Variants in RAB31 observed in about 807,000 individuals in gnomAD.
RAB31 encodes RAB31, member RAS oncogene family, also known as ras-related protein Rab-31.
A neutral mutation model predicts 25.6 loss-of-function variants in RAB31; 21 were observed. The ratio of observed to expected loss-of-function variants is 0.82; its 90% confidence interval spans 0.58 to 1.18. The LOEUF (loss-of-function observed/expected upper bound fraction) is 1.18, where lower values mean the gene tolerates loss of function less well. Ranked by LOEUF, RAB31 falls within the 50% of genes most tolerant of loss-of-function variation. The pLI is 0.00. For synonymous variants in RAB31, 87 were observed against 84.0 expected (o/e 1.04, Z -0.20); for missense variants, 196 against 250.1 (o/e 0.78, Z 1.46).
At chr18:9,819,961 A>G (rs576975788) in intron 5 of RAB31, among the ~76,000 whole-genome samples, 5 of 152,104 alleles carry the variant, frequency 3.3e-5, no homozygotes, top group African/African-American at 1.2e-4. Context: ...TTTTTAGTAA[A>G]TTATCTGGAG....
intron 3 of RAB31, among the ~76,000 whole-genome samples, 191 bp downstream of exon 3, chr18:9,792,426 G>A (rs1348389000): frequency 6.6e-6 from 1 of 152,156 alleles, no homozygotes; most frequent in African/African-American, 2.4e-5. Context: ...GTGAGGCGGG[G>A]CTGAGTTCAG....
At chr18:9,794,366 C>T (rs762083497) in intron 3 of RAB31, among the ~76,000 whole-genome samples, 1 of 152,146 alleles carries the variant, frequency 6.6e-6, no homozygotes, top group Non-Finnish European at 1.5e-5. Context: ...TAGATTAAAA[C>T]ATTTTAAAAA....
In RAB31 at chr18:9,822,196, G is replaced by C. The variant is rs75610809; in HGVS notation, c.380+6974G>C. Among the ~76,000 whole-genome samples, 1,186 of 152,178 alleles carry C rather than the reference G, an allele frequency of 7.8e-3. 35 individuals are homozygous for C. In the East Asian group the frequency reaches 0.11, roughly 14 times the overall value. ...ATTGATTTTTTGACAAAGATGCAAA[G>C]GTAGTTCAACAGAAGAAGCAATTCA... is the stretch of plus-strand genomic sequence containing the variant. On this transcript the variant is annotated intron_variant, in intron 5 of 6. Coordinates refer to ENST00000578921, the MANE Select transcript of RAB31 (RefSeq NM_006868.4).
chr18:9,845,102 C>T (rs1463822300), intron 5 of RAB31, among the ~76,000 whole-genome samples: 3 of 152,116 alleles, frequency 2.0e-5, no homozygotes, highest in African/African-American at 2.4e-5. Flanking sequence ...TAGCCATGGT[C>T]GGTATAACCA....
chr18:9,735,816 C>T (rs1274374958), intron 1 of RAB31, among the ~76,000 whole-genome samples: 1 of 152,108 alleles, frequency 6.6e-6, no homozygotes, highest in African/African-American at 2.4e-5. Flanking sequence ...TGTAGAAAAT[C>T]AGTAACATCT....
At chr18:9,846,603 G>T (rs1043898067) in intron 6 of RAB31, among the ~76,000 whole-genome samples, 3 of 152,170 alleles carry the variant, frequency 2.0e-5, no homozygotes, top group Admixed American at 6.5e-5. Flanking sequence ...AAATATCTTA[G>T]CTCCAGACAA....
At chr18:9,819,045 T>A (rs1318718687) in intron 5 of RAB31, among the ~76,000 whole-genome samples, 2 of 152,226 alleles carry the variant, frequency 1.3e-5, no homozygotes, top group Admixed American at 6.5e-5. Context: ...ATCAAACATG[T>A]AATTCGCAAA....
intron 1 of RAB31, among the ~76,000 whole-genome samples, chr18:9,710,822 C>T (rs2068012850): frequency 6.6e-6 from 1 of 152,108 alleles, no homozygotes; most frequent in Admixed American, 6.5e-5. Context: ...CACGCCACTG[C>T]ACTCCAGTCC....
intron 2 of RAB31, among the ~76,000 whole-genome samples, chr18:9,786,559 C>G (rs28452014): frequency 6.6e-6 from 1 of 152,094 alleles, no homozygotes; most frequent in Admixed American, 6.6e-5. Flanking sequence ...TGGGATCTGA[C>G]AGTATCTCCA....
At chr18:9,719,208 T>C (rs2068059011) in intron 1 of RAB31, among the ~76,000 whole-genome samples, 1 of 133,124 alleles carries the variant, frequency 7.5e-6, no homozygotes, top group Non-Finnish European at 1.5e-5. Flanking sequence ...AGGTGGAGGT[T>C]GCAGGGAGCC....
At chr18:9,765,711 C>G (rs1004190950) in intron 1 of RAB31, among the ~76,000 whole-genome samples, 1 of 152,136 alleles carries the variant, frequency 6.6e-6, no homozygotes, top group African/African-American at 2.4e-5. Context: ...CAAAGTACTT[C>G]CGATCTCTTT....
chr18:9,851,011 T>C (rs1160653758), intron 6 of RAB31, among the ~76,000 whole-genome samples: 1 of 152,240 alleles, frequency 6.6e-6, no homozygotes, highest in Non-Finnish European at 1.5e-5. Flanking sequence ...TGGAAACATT[T>C]GTTCACAGAG....
chr18:9,728,876 T>C (rs1160078508), intron 1 of RAB31, among the ~76,000 whole-genome samples: 2 of 152,162 alleles, frequency 1.3e-5, no homozygotes, highest in East Asian at 3.8e-4. Flanking sequence ...GCTAATATTA[T>C]AGATTAAAAA....
intron 3 of RAB31, among the ~76,000 whole-genome samples, chr18:9,803,674 C>T (rs969038960): frequency 2.0e-5 from 3 of 152,148 alleles, no homozygotes; most frequent in African/African-American, 7.2e-5. Context: ...AGGAGAAGCC[C>T]CAGGAATCCT....
rs114583783 is a variant in RAB31 at position 9,759,722 on chromosome 18, G to A, written c.40-15556G>A. Among the ~76,000 whole-genome samples, 313 of 152,232 alleles carry A rather than the reference G, an allele frequency of 2.1e-3. 2 individuals carry two copies. The highest frequency in any genetic ancestry group is 7.3e-3 in the African/African-American group (303 of 41,552). ...GGGGTGAAAAGGGCAAGGCTATCCC[G>A]AGACCTGTTTCCATACATGGTCGGG... On this transcript the variant is annotated intron_variant, in intron 1 of 6. Transcript: ENST00000578921.
At chr18:9,742,191 C>T (rs528664460) in intron 1 of RAB31, among the ~76,000 whole-genome samples, 1 of 152,266 alleles carries the variant, frequency 6.6e-6, no homozygotes, top group East Asian at 1.9e-4. Flanking sequence ...AAAGCAGGCT[C>T]TTGGTGAGGG....
chr18:9,853,998 C>T (rs1475092548), intron 6 of RAB31, among the ~76,000 whole-genome samples: 1 of 140,036 alleles, frequency 7.1e-6, no homozygotes, highest in African/African-American at 2.6e-5. Flanking sequence ...TTCCAGGATA[C>T]ATATGCAGAA....
Position 9,859,428 on chromosome 18 carries a change from A to C in RAB31, c.*103A>C. 1.0e-6 allele frequency: 1 copy of C among 981,614 alleles called. No homozygotes were observed. The highest frequency in any genetic ancestry group is 1.5e-6 in the Non-Finnish European group (1 of 652,772). The allele number at this position is 981,614 out of a possible 1,614,324, so 60.8% of individuals were successfully genotyped here. On this transcript the variant is annotated 3_prime_UTR_variant, in exon 7 of 7. Transcript: ENST00000578921. ...TGGCCTGGCACCTCACTTTGAGAAGAGTGAGCACACTGGCTTTGCATCCTG... is the reference window on the plus strand; with the variant it reads ...TGGCCTGGCACCTCACTTTGAGAAGCGTGAGCACACTGGCTTTGCATCCTG...
chr18:9,800,580 A>T (rs75379545), intron 3 of RAB31, among the ~76,000 whole-genome samples: 1,967 of 152,002 alleles, frequency 0.013, 45 homozygotes, highest in African/African-American at 0.045. Flanking sequence ...CCCCCTTCTT[A>T]CCTGTTCTAG....
Sources: gnomAD v4.1 joint callset for allele counts (sites outside exome capture counted in the v4.1 genomes callset) on GRCh38, gnomAD v4.1.1 for gene constraint, MANE v1.5 for transcripts, NCBI Gene and HGNC (gene_info 2026-07-23, HGNC 2026-07-21) for gene names.